The following LIN52 variants were observed in gnomAD, a reference collection of about 807,000 sequenced individuals.
LIN52 encodes lin-52 DREAM MuvB core complex component.
LIN52 carries 4 observed loss-of-function variants against 18.5 expected under a neutral mutation model. That is an observed-to-expected ratio of 0.22 (90% confidence interval 0.11 to 0.49). The LOEUF (loss-of-function observed/expected upper bound fraction) is 0.49. Among genes scored for constraint, LIN52 ranks in the 20% least tolerant of loss-of-function variants. The pLI, the probability that LIN52 is intolerant of heterozygous loss-of-function variation, is 0.97. For missense variants in LIN52, 102 were observed against 139.5 expected (o/e 0.73, Z 1.35); for synonymous variants, 34 against 45.5 (o/e 0.75, Z 1.02).
intron 5 of LIN52, among the ~76,000 whole-genome samples, chr14:74,132,729 G>A (rs900769250): frequency 1.1e-4 from 16 of 152,026 alleles, no homozygotes; most frequent in African/African-American, 3.6e-4. Context: ...GGATGGTCTC[G>A]ATCTTTTGAC....
At chr14:74,192,644 TA>T in intron 5 of LIN52, 2 of 247,736 alleles carry the variant, frequency 8.1e-6, no homozygotes, top group South Asian at 4.7e-5. Flanking sequence ...TGGTGCAGTC[TA>T]AGATTAAGAG....
At chr14:74,130,418 C>A (rs1018185901) in intron 5 of LIN52, among the ~76,000 whole-genome samples, 1 of 150,780 alleles carries the variant, frequency 6.6e-6, no homozygotes, top group East Asian at 1.9e-4. Flanking sequence ...GCTAGGATTA[C>A]AGGCGTGTAC....
At chr14:74,098,578 G>A (rs2060831482) in intron 4 of LIN52, among the ~76,000 whole-genome samples, 1 of 143,232 alleles carries the variant, frequency 7.0e-6, no homozygotes, top group Non-Finnish European at 1.5e-5. Flanking sequence ...ACGGAGTCTC[G>A]CTTTTGTTGC....
intron 5 of LIN52, among the ~76,000 whole-genome samples, chr14:74,109,396 G>T (rs2060914331): frequency 6.6e-6 from 1 of 152,212 alleles, no homozygotes; most frequent in African/African-American, 2.4e-5. Flanking sequence ...AGCCTGGGAG[G>T]TTGAGGCTTC....
intron 5 of LIN52, among the ~76,000 whole-genome samples, chr14:74,143,586 T>G (rs1247035066): frequency 6.8e-6 from 1 of 147,060 alleles, no homozygotes; most frequent in African/African-American, 2.5e-5. Context: ...GCAGATGCAC[T>G]TTTTAACAAA....
intron 5 of LIN52, among the ~76,000 whole-genome samples, chr14:74,198,230 A>G (rs2078926950): frequency 6.6e-6 from 1 of 152,192 alleles, no homozygotes; most frequent in Non-Finnish European, 1.5e-5. Context: ...TTGGAGCCTT[A>G]TATGTAGGAA....
At chr14:74,154,790 G>GT (rs1566862355) in intron 5 of LIN52, among the ~76,000 whole-genome samples, 1 of 152,208 alleles carries the variant, frequency 6.6e-6, no homozygotes, top group Non-Finnish European at 1.5e-5. Flanking sequence ...AGTTACTAGT[G>GT]TAAGATGAAT....
At chr14:74,160,261 G>A (rs34231182) in intron 5 of LIN52, among the ~76,000 whole-genome samples, 16,986 of 152,132 alleles carry the variant, frequency 0.11, 1,246 homozygotes, top group Admixed American at 0.19. Flanking sequence ...CAAAGAGAGA[G>A]GCCTGGAACA....
chr14:74,114,712 T>C (rs1455691251), intron 5 of LIN52, among the ~76,000 whole-genome samples: 3 of 152,200 alleles, frequency 2.0e-5, no homozygotes, highest in Non-Finnish European at 4.4e-5. Context: ...GTTAGTGTTA[T>C]TAATAAGATA....
chr14:74,181,608 A>C (rs866243702), intron 5 of LIN52, among the ~76,000 whole-genome samples: 1 of 151,680 alleles, frequency 6.6e-6, no homozygotes, highest in African/African-American at 2.4e-5. Context: ...CACATTTACT[A>C]TATGTTAACC....
intron 5 of LIN52, among the ~76,000 whole-genome samples, chr14:74,116,435 G>C (rs141829141): frequency 2.0e-3 from 306 of 152,348 alleles, no homozygotes; most frequent in African/African-American, 7.1e-3. Flanking sequence ...GCTGGCCACT[G>C]TGGCTTACGC....
intron 5 of LIN52, among the ~76,000 whole-genome samples, chr14:74,110,697 C>T (rs926071426): frequency 1.4e-5 from 2 of 147,624 alleles, no homozygotes; most frequent in Non-Finnish European, 3.0e-5. Context: ...AGGCATGGTG[C>T]CTCACGCCTG....
At chr14:74,130,278 G>GTGTTTTTTTTTTTTTTTTTTTTTTTTT (rs1566856480) in intron 5 of LIN52, among the ~76,000 whole-genome samples, 3 of 64,842 alleles carry the variant, frequency 4.6e-5, no homozygotes, top group Non-Finnish European at 8.4e-5. Context: ...GCATTTTTTG[G>GTGTTTTTTTTTTTTTTTTTTTTTTTTT]TTTTTTTTTT....
intron 5 of LIN52, among the ~76,000 whole-genome samples, chr14:74,141,922 C>A (rs1037687487): frequency 6.6e-6 from 1 of 152,106 alleles, no homozygotes; most frequent in Non-Finnish European, 1.5e-5. Flanking sequence ...TTTGTCAGCA[C>A]GTGGAAATGA....
chr14:74,158,367 C>T (rs2061209880), intron 5 of LIN52, among the ~76,000 whole-genome samples: 1 of 152,154 alleles, frequency 6.6e-6, no homozygotes, highest in Admixed American at 6.5e-5. Flanking sequence ...CTCGCCTCAG[C>T]CTCCCAAAGT....
rs117875527 is a variant in LIN52 at position 74,187,059 on chromosome 14, G to A, written c.284-11863G>A. ...ACCACTGTACTCCAGCCTGGGTGAC[G>A]GGGTGAGACTCCATCTCAAAAAAGA... On this transcript the variant is annotated intron_variant, in intron 5 of 5. Coordinates refer to ENST00000555028, the MANE Select transcript of LIN52 (RefSeq NM_001024674.3). Among the ~76,000 whole-genome samples, 1,129 of 152,168 alleles carry A rather than the reference G, an allele frequency of 7.4e-3. 3 individuals are homozygous for A. Among genetic ancestry groups the A allele is most frequent in the Non-Finnish European group, 0.012 (815 of 68,014 alleles).
At chr14:74,170,323 A>AT in intron 5 of LIN52, among the ~76,000 whole-genome samples, 1 of 152,252 alleles carries the variant, frequency 6.6e-6, no homozygotes, top group East Asian at 1.9e-4. Flanking sequence ...TCTAGAAGTG[A>AT]TTTTTGTCTA....
intron 5 of LIN52, among the ~76,000 whole-genome samples, chr14:74,137,697 A>G (rs575866897): frequency 9.5e-4 from 145 of 152,026 alleles, no homozygotes; most frequent in African/African-American, 3.2e-3. Flanking sequence ...ACGGGGTTTC[A>G]CTGTGTTGGC....
intron 5 of LIN52, among the ~76,000 whole-genome samples, chr14:74,136,207 T>C (rs1417005115): frequency 6.6e-6 from 1 of 152,242 alleles, no homozygotes; most frequent in Non-Finnish European, 1.5e-5. Context: ...CTTCAGTGAA[T>C]GCGCAAGTTG....
Sources: allele counts gnomAD v4.1 joint callset (sites outside exome capture counted in the v4.1 genomes callset), GRCh38; gene constraint gnomAD v4.1.1; transcripts MANE v1.5; gene names NCBI Gene and HGNC (gene_info 2026-07-23, HGNC 2026-07-21).